CUL7: variants seen among roughly 807,000 people sequenced by gnomAD.
The protein encoded by CUL7 is cullin 7, also known as cullin-7.
A neutral mutation model predicts 177.7 loss-of-function variants in CUL7; 96 were observed. That is an observed-to-expected ratio of 0.54 (90% CI 0.46 to 0.64). The LOEUF (loss-of-function observed/expected upper bound fraction) is 0.64. CUL7 is among the 30% of genes least tolerant of loss of function. CUL7 has a pLI of 0.00. For synonymous variants in CUL7, 824 were observed against 890.2 expected (o/e 0.93, Z 1.32); for missense variants, 1,893 against 2,187.9 (o/e 0.87, Z 2.69).
In CUL7 at chr6:43,046,527, G is replaced by A. The variant is rs886043579; in HGVS notation, c.2472C>T (p.Leu824=). ...GGCACGAACCCTGGCACAGGTATCT[G>A]AGGAACACATCAAAGAAAGGGATGT... ...PINIPFFDVF[L]RYLCQGSSVE... The change falls in exon 11 of 26, where the codon CTC becomes CTT. Residue 824 remains leucine (L), a synonymous_variant. Coordinates refer to ENST00000265348, the MANE Select transcript of CUL7 (RefSeq NM_014780.5). 1.2e-6 allele frequency: 2 copies of A among 1,614,198 alleles called. No homozygotes were observed. The highest frequency in any genetic ancestry group is 1.7e-5 in the Admixed American group (1 of 60,020).
In CUL7 at chr6:43,043,025, T is replaced by A. The variant is rs182296764; in HGVS notation, c.3463-41A>T. 5.8e-4 allele frequency: 938 copies of A among 1,613,678 alleles called. 13 individuals are homozygous for A. In the East Asian group the frequency reaches 0.014, roughly 25 times the overall value. ...AGGAGCATGAAGACACAACCCAACA[T>A]GCCACCATTATGGTGTCCCCTCTCT... On this transcript the variant is annotated intron_variant, in intron 18 of 25. Coordinates refer to ENST00000265348, the MANE Select transcript of CUL7 (RefSeq NM_014780.5). This position sits in a 1 kb window ranked among gnomAD's most constrained non-coding sequence, Gnocchi z 4.2.
chr6:43,043,351 G>C lies in CUL7; in HGVS notation c.3355+97C>G. 9 of 1,314,276 alleles carry C rather than the reference G, an allele frequency of 6.8e-6. No homozygotes were observed. Among genetic ancestry groups the C allele is most frequent in the Non-Finnish European group, 9.8e-6 (9 of 913,908 alleles). The allele number at this position is 1,314,276 out of a possible 1,614,324, so 81.4% of individuals were successfully genotyped here. A position where few individuals can be genotyped will look rare whatever the true frequency, so the allele number is the denominator to read the frequency against. ...GATGAACAGGCTGAGCCCATAGGGAGGGGAAGGATGGGGATGGACAGAAGC... is the reference window on the plus strand; with the variant it reads ...GATGAACAGGCTGAGCCCATAGGGACGGGAAGGATGGGGATGGACAGAAGC... On this transcript the variant is annotated intron_variant, in intron 17 of 25. Transcript: ENST00000265348. This position sits in a 1 kb window ranked among gnomAD's most constrained non-coding sequence, Gnocchi z 4.2.
In CUL7 at chr6:43,040,691, C is replaced by A; in HGVS notation, c.3862G>T (p.Val1288Leu). ...GVVSSWLEGA[V>L]LEQIGPCFPN... ...AAGCAGGGACCGATCTGCTCCAGCA[C>A]GGCCCCCTCCAGCCAGCTCGAGACC... Residue 1288 changes from valine to leucine, a missense_variant, in exon 21 of 26, where the codon GTG (valine) becomes TTG (leucine). Transcript: ENST00000265348. The surrounding 1 kb of genome is among the most constrained non-coding windows in gnomAD (Gnocchi z 4.2). 1 of 1,614,164 alleles carries A rather than the reference C, an allele frequency of 6.2e-7. No individual in the cohort carries two copies. The highest frequency in any genetic ancestry group is 1.1e-5 in the South Asian group (1 of 91,080).
chr6:43,044,943 T>A (rs1421904462), intron 15 of CUL7, 58 bp from the exon 16 acceptor site: 4 of 1,596,092 alleles, frequency 2.5e-6, no homozygotes, highest in Non-Finnish European at 3.4e-6. Context: ...GTTATCTCAG[T>A]GTCCACCCTT....
chr6:43,044,914 T>A (rs1763761573), intron 15 of CUL7, 29 bp from the exon 16 acceptor site: 1 of 1,608,096 alleles, frequency 6.2e-7, no homozygotes, highest in South Asian at 1.1e-5. Flanking sequence ...GAGGAAGGTG[T>A]CAGGGGCTTG....
rs767911802 is a variant in CUL7 at position 43,043,161 on chromosome 6, G to A, written c.3375C>T (p.His1125=). 15 of 1,613,662 alleles carry A rather than the reference G, an allele frequency of 9.3e-6. No individual in the cohort carries two copies. Among genetic ancestry groups the A allele is most frequent in the Middle Eastern group, 1.6e-4 (1 of 6,078 alleles). Residue 1125 remains histidine, a synonymous_variant, in exon 18 of 26, where the codon CAC becomes CAT. Coordinates refer to ENST00000265348, the MANE Select transcript of CUL7 (RefSeq NM_014780.5). The surrounding 1 kb of genome is among the most constrained non-coding windows in gnomAD (Gnocchi z 4.2). The part of the protein sequence containing the change: ...TPRPKGRNRS[H]DWSSLATRGL... ...CCCGGGTAGCCAAGGAGCTCCAGTC[G>A]TGGCTTCTGTTTCTGCCTTCTGTAG... is the stretch of plus-strand genomic sequence containing the variant.
rs373489255 is a variant in CUL7, at chr6:43,048,118, C to T, written c.2169+30G>A. ...CAGTGGCTGCCTTTATCCTCTCCCC[C>T]AGCCTCTCCCCAGAGCAGGGCAGGG... On this transcript the variant is annotated intron_variant, in intron 9 of 25. Coordinates refer to ENST00000265348, the MANE Select transcript of CUL7 (RefSeq NM_014780.5). 2.7e-6 allele frequency: 4 copies of T among 1,480,164 alleles called. No individual in the cohort carries two copies. The South Asian group carries it at 4.6e-5, about 17-fold the overall frequency. 91.7% of individuals were successfully genotyped at this position (1,480,164 alleles called of 1,614,324 possible). A position where few individuals can be genotyped will look rare whatever the true frequency, so the allele number is the denominator to read the frequency against.
chr6:43,052,437 T>C lies in CUL7; in HGVS notation c.352A>G (p.Ile118Val). ...TCCAGCTGCCGAAGGGCTCTCTGAA[T>C]GAGGGACTTCACGTCGGTTTCCATC... ...EEMETDVKSL[I>V]QRALRQLEEC... is the part of the protein sequence containing the mutation. The change falls in exon 2 of 26, where the codon ATT becomes GTT. Residue 118 changes from isoleucine to valine, a missense_variant. Transcript: ENST00000265348. This position sits in a 1 kb window ranked among gnomAD's most constrained non-coding sequence, Gnocchi z 4.5. 7 of 1,614,108 alleles carry C rather than the reference T, an allele frequency of 4.3e-6. No individual in the cohort carries two copies. Among genetic ancestry groups the C allele is most frequent in the Non-Finnish European group, 5.9e-6 (7 of 1,179,932 alleles).
chr6:43,045,148 AT>A lies in CUL7; in HGVS notation c.3038+78del. On this transcript the variant is annotated intron_variant, in intron 15 of 25. Coordinates refer to ENST00000265348, the MANE Select transcript of CUL7 (RefSeq NM_014780.5). This position sits in a 1 kb window ranked among gnomAD's most constrained non-coding sequence, Gnocchi z 4.8. ...ATTAAACCTCCATCTCACAGCTTCT[AT>A]GGACCCCTGCCTGCCAGCTATTTGC... The A allele has an allele frequency of 1.3e-6, 2 of 1,537,542 alleles. No individual in the cohort carries two copies. The highest frequency in any genetic ancestry group is 1.8e-6 in the Non-Finnish European group (2 of 1,132,570).
At chr6:43,046,452 G>A (rs369277531) in intron 11 of CUL7, 45 bp from the exon 12 acceptor site, 6 of 1,614,204 alleles carry the variant, frequency 3.7e-6, no homozygotes, top group Non-Finnish European at 5.1e-6. Context: ...CAGGTAGGGT[G>A]TAGAGGGGAA....
chr6:43,053,641 C>T lies in CUL7; in HGVS notation c.-28G>A. ...GGCCACCTCAGAAGTCCACCGGGGT[C>T]CTGGCGCGAGGCCTGTCCTTCACAG... On this transcript the variant is annotated 5_prime_UTR_variant, in exon 1 of 26. Coordinates refer to ENST00000265348, the MANE Select transcript of CUL7 (RefSeq NM_014780.5). The surrounding 1 kb of genome is among the most constrained non-coding windows in gnomAD (Gnocchi z 4.1). 7.3e-7 allele frequency: 1 copy of T among 1,377,172 alleles called. No individual in the cohort carries two copies. The highest frequency in any genetic ancestry group is 9.3e-7 in the Non-Finnish European group (1 of 1,070,110). 85.3% of individuals were successfully genotyped at this position (1,377,172 alleles called of 1,614,324 possible).
chr6:43,041,193 G>C (rs1763389158), intron 19 of CUL7, 118 bp from the exon 20 acceptor site: 2 of 912,670 alleles, frequency 2.2e-6, no homozygotes, highest in South Asian at 1.4e-5. Context: ...AAGGTGGTTG[G>C]TGCTTTCATA....
intron 7 of CUL7, among the ~76,000 whole-genome samples, chr6:43,049,004 C>T (rs967980779): frequency 1.8e-4 from 27 of 151,988 alleles, no homozygotes; most frequent in African/African-American, 6.0e-4. Flanking sequence ...GATCTCCTGA[C>T]CTCATGATCC....
Position 43,052,315 on chromosome 6 carries a change from C to T in CUL7, c.474G>A (p.Lys158=), listed in dbSNP as rs1332465496. Residue 158 remains lysine, a synonymous_variant, in exon 2 of 26, where the codon AAG becomes AAA. Coordinates refer to ENST00000265348, the MANE Select transcript of CUL7 (RefSeq NM_014780.5). The surrounding 1 kb of genome is among the most constrained non-coding windows in gnomAD (Gnocchi z 4.5). ...TGAGCAAGTCCAGGACCCTTGGGTC[C>T]TTGAATACTCCAGTGAGGGGCTCAA... is the stretch of plus-strand genomic sequence containing the variant. ...ASIEPLTGVF[K]DPRVLDLLMH... 2 of 1,614,236 alleles carry T rather than the reference C, an allele frequency of 1.2e-6. No individual in the cohort carries two copies. Among genetic ancestry groups the T allele is most frequent in the Non-Finnish European group, 1.7e-6 (2 of 1,180,032 alleles).
chr6:43,042,150 G>A (rs1004325721), intron 19 of CUL7, among the ~76,000 whole-genome samples: 2 of 151,718 alleles, frequency 1.3e-5, no homozygotes, highest in Non-Finnish European at 2.9e-5. Flanking sequence ...CAGGAAGGGA[G>A]AAAGAGAGAG....
chr6:43,048,376 C>T lies in CUL7; in HGVS notation c.2019G>A (p.Leu673=). The T allele has an allele frequency of 6.2e-7, 1 of 1,613,894 alleles. No homozygotes were observed. The highest frequency in any genetic ancestry group is 8.5e-7 in the Non-Finnish European group (1 of 1,179,756). The stretch of plus-strand genomic sequence containing the variant: ...GGGTCCTGTTAGTCTCCGGAGTGTC[C>T]AGGCTCTGCATCAGTGCCAGGAAGG... ...PQPFLALMQS[L]DTPETNRTLH... The change falls in exon 8 of 26, where the codon CTG becomes CTA. Residue 673 remains leucine (L), a synonymous_variant. Coordinates refer to ENST00000265348, the MANE Select transcript of CUL7 (RefSeq NM_014780.5).
At chr6:43,048,764 T>C (rs1764142197) in intron 7 of CUL7, among the ~76,000 whole-genome samples, 195 bp from the exon 8 acceptor site, 1 of 151,902 alleles carries the variant, frequency 6.6e-6, no homozygotes, top group South Asian at 2.1e-4. Flanking sequence ...AAATTTTATA[T>C]TCTTTTTTTT....
At chr6:43,042,628 A>C (rs966862313) in intron 19 of CUL7, among the ~76,000 whole-genome samples, 174 bp downstream of exon 19, 1 of 152,218 alleles carries the variant, frequency 6.6e-6, no homozygotes, top group Non-Finnish European at 1.5e-5. Flanking sequence ...GGCATGAGCC[A>C]CCACACCTGG....
rs375096014 is a variant in CUL7, at chr6:43,040,718, C to G, written c.3835G>C (p.Val1279Leu). ...QHYMADRLLGVVSSWLEGAVL... is the reference protein window; with the variant it reads ...QHYMADRLLGLVSSWLEGAVL... ...GCCCCCTCCAGCCAGCTCGAGACCA[C>G]GCCCAGGAGACGGTCCGCCATGTAG... The change falls in exon 21 of 26, where the codon GTG (valine) becomes CTG (leucine). Residue 1279 changes from valine to leucine, a missense_variant. Val to Leu is a conservative substitution (Grantham distance 32). Coordinates refer to ENST00000265348, the MANE Select transcript of CUL7 (RefSeq NM_014780.5). The surrounding 1 kb of genome is among the most constrained non-coding windows in gnomAD (Gnocchi z 4.2). The G allele has an allele frequency of 1.2e-6, 2 of 1,614,120 alleles. No individual in the cohort carries two copies. The highest frequency in any genetic ancestry group is 2.7e-5 in the African/African-American group (2 of 75,044).
Sources: gnomAD v4.1 joint callset for allele counts (sites outside exome capture counted in the v4.1 genomes callset) on GRCh38, gnomAD v4.1.1 for gene constraint, Gnocchi (gnomAD v3.1) non-coding constraint, MANE v1.5 for transcripts, NCBI Gene and HGNC (gene_info 2026-07-23, HGNC 2026-07-21) for gene names.